The following LRP1B variants were observed in gnomAD, a reference collection of about 807,000 sequenced individuals.
The protein encoded by LRP1B is LDL receptor related protein 1B.
A neutral mutation model predicts 556.6 loss-of-function variants in LRP1B; 217 were observed. That is an observed-to-expected ratio of 0.39 (90% CI 0.35 to 0.44). The LOEUF is 0.44. Among genes scored for constraint, LRP1B ranks in the 20% least tolerant of loss-of-function variants. LRP1B has a pLI of 1.00. For synonymous variants in LRP1B, 2,047 were observed against 1,865.8 expected, an observed-to-expected ratio of 1.10 and a Z score of -2.50; for missense variants, 5,053 against 5,620.8, an observed-to-expected ratio of 0.90 and a Z score of 3.23.
intron 31 of LRP1B, among the ~76,000 whole-genome samples, chr2:140,827,954 G>A (rs1691566131): frequency 7.1e-6 from 1 of 140,590 alleles, no homozygotes. Flanking sequence ...CCTGGAGAGA[G>A]TGGGGTGACA....
chr2:140,236,474 CAG>C (rs1299083524), intron 89 of LRP1B, among the ~76,000 whole-genome samples: 2 of 150,860 alleles, frequency 1.3e-5, no homozygotes, highest in Admixed American at 1.3e-4. Flanking sequence ...CTAAAATTAT[CAG>C]AAAGAATATT....
At chr2:140,504,629 C>G (rs1689328976) in intron 53 of LRP1B, among the ~76,000 whole-genome samples, 1 of 152,166 alleles carries the variant, frequency 6.6e-6, no homozygotes, top group Admixed American at 6.5e-5. Flanking sequence ...TTTATTACAT[C>G]TCACATCTTA....
intron 83 of LRP1B, among the ~76,000 whole-genome samples, chr2:140,305,836 T>G (rs1007323284): frequency 6.6e-5 from 10 of 152,030 alleles, no homozygotes; most frequent in Non-Finnish European, 2.9e-5. Context: ...CATCAATACC[T>G]AATTTATTGA....
chr2:141,819,555 T>C (rs893668881), intron 1 of LRP1B, among the ~76,000 whole-genome samples: 8 of 152,110 alleles, frequency 5.3e-5, no homozygotes, highest in Non-Finnish European at 8.8e-5. Flanking sequence ...GTTTATCTTA[T>C]AGAAGTAAAA....
chr2:141,096,686 G>GGGAGAGAA (rs1700329874), intron 7 of LRP1B, among the ~76,000 whole-genome samples: 4 of 114,414 alleles, frequency 3.5e-5, no homozygotes, highest in East Asian at 9.7e-4. Context: ...GAGAGAGAGA[G>GGGAGAGAA]AGAGAAAATA....
At chr2:140,721,672 T>G (rs1331037836) in intron 35 of LRP1B, among the ~76,000 whole-genome samples, 1 of 149,020 alleles carries the variant, frequency 6.7e-6, no homozygotes, top group Non-Finnish European at 1.5e-5. Flanking sequence ...CTCAGCCTCC[T>G]GAGTAGCTGG....
chr2:141,553,767 G>A (rs1365446450), intron 2 of LRP1B, among the ~76,000 whole-genome samples: 1 of 134,056 alleles, frequency 7.5e-6, no homozygotes, highest in Non-Finnish European at 1.6e-5. Context: ...TATTATATAT[G>A]TTTATATTAT....
In LRP1B at chr2:141,517,029, A is replaced by AACAAC. The variant is rs67168002; in HGVS notation, c.206-36497_206-36496insGTTGT. Among the ~76,000 whole-genome samples, 123 of 90,176 alleles carry AACAAC rather than the reference A, an allele frequency of 1.4e-3. 15 individuals are homozygous for AACAAC. The Middle Eastern group carries it at 0.025, about 19-fold the overall frequency. The allele number at this position is 90,176 out of a possible 152,430, so 59.2% of individuals were successfully genotyped here. ...TAAAAAAAAAAAAAAAAAAAAAAAA[A>AACAAC]AAAGTAAATCAATGAAATAATTTAA... On this transcript the variant is annotated intron_variant, in intron 2 of 90. Transcript: ENST00000389484.
intron 86 of LRP1B, among the ~76,000 whole-genome samples, chr2:140,254,102 A>G (rs1681570162): frequency 6.6e-6 from 1 of 152,152 alleles, no homozygotes; most frequent in Non-Finnish European, 1.5e-5. Context: ...GGCCCTTCCT[A>G]TTTCTTAGGG....
At chr2:141,024,895 A>G (rs982587161) in intron 11 of LRP1B, among the ~76,000 whole-genome samples, 40 of 152,026 alleles carry the variant, frequency 2.6e-4, no homozygotes, top group African/African-American at 9.2e-4. Flanking sequence ...AGAAAATCCA[A>G]GCCTATTATA....
chr2:141,560,620 C>T (rs1293465482), intron 2 of LRP1B, among the ~76,000 whole-genome samples: 1 of 151,470 alleles, frequency 6.6e-6, no homozygotes, highest in Non-Finnish European at 1.5e-5. Context: ...AAATTATTCT[C>T]TAGGGAGAAA....
chr2:141,861,391 C>T (rs1250610102), intron 1 of LRP1B, among the ~76,000 whole-genome samples: 1 of 152,170 alleles, frequency 6.6e-6, no homozygotes, highest in African/African-American at 2.4e-5. Flanking sequence ...CATATTTTGG[C>T]TGATGTTCCA....
chr2:140,629,191 C>A (rs1683787855), intron 41 of LRP1B, among the ~76,000 whole-genome samples: 1 of 150,688 alleles, frequency 6.6e-6, no homozygotes, highest in South Asian at 2.1e-4. Context: ...GTAGGTGGGA[C>A]AACAGTTGTG....
intron 2 of LRP1B, among the ~76,000 whole-genome samples, chr2:141,540,287 T>C (rs1483079685): frequency 6.9e-6 from 1 of 145,842 alleles, no homozygotes; most frequent in African/African-American, 2.5e-5. Context: ...CAAGTCATTT[T>C]TGTTAAAAAA....
intron 23 of LRP1B, among the ~76,000 whole-genome samples, chr2:140,887,018 T>C (rs892259529): frequency 1.3e-5 from 2 of 152,192 alleles, no homozygotes; most frequent in African/African-American, 2.4e-5. Flanking sequence ...TATCTGAAAG[T>C]TACTAAAATT....
intron 3 of LRP1B, among the ~76,000 whole-genome samples, chr2:141,388,411 G>A (rs773845034): frequency 5.9e-5 from 9 of 152,018 alleles, no homozygotes; most frequent in Non-Finnish European, 1.3e-4. Flanking sequence ...ACTCAAGCCT[G>A]GGCGACAGTG....
At chr2:141,389,046 A>G (rs1689950359) in intron 3 of LRP1B, among the ~76,000 whole-genome samples, 1 of 152,208 alleles carries the variant, frequency 6.6e-6, no homozygotes, top group South Asian at 2.1e-4. Context: ...TTAATATATT[A>G]AGATGCCACT....
chr2:142,029,314 A>G (rs576962465), intron 1 of LRP1B, among the ~76,000 whole-genome samples: 17 of 152,038 alleles, frequency 1.1e-4, no homozygotes, highest in Non-Finnish European at 2.2e-4. Flanking sequence ...AAAAATAATG[A>G]CAATACTTAA....
chr2:141,898,302 G>A (rs544534545), intron 1 of LRP1B, among the ~76,000 whole-genome samples: 1 of 152,192 alleles, frequency 6.6e-6, no homozygotes, highest in Admixed American at 6.5e-5. Context: ...CCTCTGGAAG[G>A]ATATCCAGAG....
Sources: gnomAD v4.1 joint callset for allele counts (sites outside exome capture counted in the v4.1 genomes callset) on GRCh38, gnomAD v4.1.1 for gene constraint, MANE v1.5 for transcripts, NCBI Gene and HGNC (gene_info 2026-07-23, HGNC 2026-07-21) for gene names.